ADAM22: variants seen among roughly 807,000 people sequenced by gnomAD.
ADAM22 encodes disintegrin and metalloproteinase domain-containing protein 22.
Under a neutral mutation model 144.6 loss-of-function variants are expected in ADAM22, and 65 were observed. The ratio of observed to expected loss-of-function variants is 0.45; its 90% CI spans 0.37 to 0.55. The LOEUF (loss-of-function observed/expected upper bound fraction) is 0.55. Ranked by LOEUF, ADAM22 falls within the 20% of genes least tolerant of loss-of-function variation. The pLI is 0.00. For missense variants in ADAM22, 974 were observed against 1,184.9 expected (o/e 0.82, Z 2.61); for synonymous variants, 391 against 412.6 (o/e 0.95, Z 0.63).
At chr7:87,959,878 A>G (rs1473921100) in intron 2 of ADAM22, among the ~76,000 whole-genome samples, 1 of 152,224 alleles carries the variant, frequency 6.6e-6, no homozygotes, top group Non-Finnish European at 1.5e-5. Flanking sequence ...ACTCTTTTAG[A>G]ATATACAATT....
intron 4 of ADAM22, among the ~76,000 whole-genome samples, chr7:88,097,600 C>A (rs1378347196): frequency 6.8e-6 from 1 of 146,716 alleles, no homozygotes; most frequent in Admixed American, 7.0e-5. Flanking sequence ...ACCTTAGACC[C>A]TCATATAGTT....
At chr7:88,123,778 G>A (rs1829830194) in intron 7 of ADAM22, among the ~76,000 whole-genome samples, 1 of 151,246 alleles carries the variant, frequency 6.6e-6, no homozygotes. Flanking sequence ...TGCCTTACCT[G>A]CATCCCTTGT....
At position 88,200,337 on chromosome 7, in the gene ADAM22, AAG is replaced by A. The variant is rs561586504; in HGVS notation, c.*3850_*3851del. Reference sequence around the variant, plus strand: ...ATTTTACTTTATTTTACTTAAAGGAAAGAGAATTTATTGGCAGGATATTGAGT... The same window carrying A: ...ATTTTACTTTATTTTACTTAAAGGAAAGAATTTATTGGCAGGATATTGAGT... On this transcript the variant is annotated 3_prime_UTR_variant, in exon 32 of 32. Coordinates refer to ENST00000413139, the MANE Select transcript of ADAM22 (RefSeq NM_001324418.2). 62 of 152,350 alleles carry A rather than the reference AAG, an allele frequency of 4.1e-4. No homozygotes were observed. The highest frequency in any genetic ancestry group is 3.4e-3 in the Middle Eastern group (1 of 294). The allele number at this position is 152,350 out of a possible 1,614,324, so 9.4% of individuals were successfully genotyped here.
At chr7:88,015,871 T>C (rs549770573) in intron 3 of ADAM22, among the ~76,000 whole-genome samples, 2 of 152,346 alleles carry the variant, frequency 1.3e-5, no homozygotes, top group South Asian at 2.1e-4. Flanking sequence ...TAAAGTTATG[T>C]ATTTACATTT....
chr7:88,170,320 T>C (rs1272064572), intron 25 of ADAM22, among the ~76,000 whole-genome samples: 1 of 152,000 alleles, frequency 6.6e-6, no homozygotes, highest in Non-Finnish European at 1.5e-5. Context: ...ATTAAATTCA[T>C]GAATATGATG....
At chr7:88,028,349 G>A (rs1313733462) in intron 3 of ADAM22, among the ~76,000 whole-genome samples, 1 of 151,960 alleles carries the variant, frequency 6.6e-6, no homozygotes, top group Non-Finnish European at 1.5e-5. Context: ...GAAGAGATTT[G>A]GTATAATTTC....
rs569834198 is a variant in ADAM22 at position 87,950,980 on chromosome 7, G to T, written c.246+15794G>T. Among the ~76,000 whole-genome samples the T allele has an allele frequency of 4.3e-4, 66 of 152,196 alleles. 1 individual carries two copies. The South Asian group carries it at 0.013, about 31-fold the overall frequency. On this transcript the variant is annotated intron_variant, in intron 2 of 31. Transcript: ENST00000413139. ...TCATATCCTTTGCAAACTTTTTGAT[G>T]GGGTTGTTTGTTTTTTTCTTGTAAA...
chr7:87,974,464 A>C (rs1340122867), intron 2 of ADAM22, among the ~76,000 whole-genome samples: 2 of 152,160 alleles, frequency 1.3e-5, no homozygotes, highest in Admixed American at 6.5e-5. Context: ...AGTGACCACC[A>C]CTGCAAGTTT....
At position 87,952,601 on chromosome 7, in the gene ADAM22, C is replaced by T. The variant is rs539279611; in HGVS notation, c.246+17415C>T. ...TCATCAAGGATATTGGTCTAAAATT[C>T]TCTTTTTTGGTTGTGTCTCTGCCTG... On this transcript the variant is annotated intron_variant, in intron 2 of 31. Coordinates refer to ENST00000413139, the MANE Select transcript of ADAM22 (RefSeq NM_001324418.2). Among the ~76,000 whole-genome samples the T allele has an allele frequency of 9.9e-5, 15 of 151,998 alleles. No individual in the cohort carries two copies. In the East Asian group the frequency reaches 2.7e-3, roughly 27 times the overall value.
At position 88,125,597 on chromosome 7, in the gene ADAM22, C is replaced by A. The variant is rs1284765719; in HGVS notation, c.616C>A (p.Gln206Lys). The change falls in exon 8 of 32, where the codon CAA becomes AAA. Residue 206 changes from glutamine to lysine, a missense_variant. By Grantham distance (53) the Gln-to-Lys change is moderately conservative. Around this residue, in one of 2 missense-constraint regions of ADAM22, gnomAD observed 734 missense variants for 950.6 expected, o/e 0.77. Coordinates refer to ENST00000413139, the MANE Select transcript of ADAM22 (RefSeq NM_001324418.2). ...ATTTAATTTCCTTTTAGAATTTCAGCAAGTAAACATTACTCCATCAAAATT... is the reference window on the plus strand; with the variant it reads ...ATTTAATTTCCTTTTAGAATTTCAGAAAGTAAACATTACTCCATCAAAATT... ...SLDDLPSEFQ[Q>K]VNITPSKFIL... 2.5e-6 allele frequency: 4 copies of A among 1,589,902 alleles called. No homozygotes were observed. In the Admixed American group the frequency reaches 5.4e-5, roughly 21 times the overall value.
intron 3 of ADAM22, among the ~76,000 whole-genome samples, chr7:87,994,450 C>T (rs376696956): frequency 6.6e-6 from 1 of 152,200 alleles, no homozygotes; most frequent in African/African-American, 2.4e-5. Context: ...CGTGAGCCAC[C>T]GCGCCCGGCC....
chr7:88,054,631 T>TGTGTGTGTGTGTGA (rs1807680260), intron 3 of ADAM22, among the ~76,000 whole-genome samples: 1 of 146,406 alleles, frequency 6.8e-6, no homozygotes, highest in African/African-American at 2.5e-5. Flanking sequence ...TGTGTGTGTG[T>TGTGTGTGTGTGTGA]GATTCCTCTG....
intron 3 of ADAM22, among the ~76,000 whole-genome samples, chr7:88,048,941 A>G (rs935038090): frequency 6.6e-6 from 1 of 152,190 alleles, no homozygotes; most frequent in Non-Finnish European, 1.5e-5. Flanking sequence ...GGCCAAATTT[A>G]TAGGGATGTT....
At chr7:88,053,572 GAGGA>G (rs72059424) in intron 3 of ADAM22, among the ~76,000 whole-genome samples, 7,666 of 125,998 alleles carry the variant, frequency 0.061, 503 homozygotes, top group East Asian at 0.13. Context: ...AAGAAGGAAG[GAGGA>G]AAGGAAGGAA....
chr7:88,103,820 A>T (rs1471252641), intron 4 of ADAM22, among the ~76,000 whole-genome samples: 4 of 152,150 alleles, frequency 2.6e-5, no homozygotes, highest in Non-Finnish European at 5.9e-5. Context: ...GAACCTTTAT[A>T]ATTGATAAGA....
intron 3 of ADAM22, among the ~76,000 whole-genome samples, chr7:88,002,497 T>C (rs538206863): frequency 4.8e-4 from 73 of 152,334 alleles, no homozygotes; most frequent in Non-Finnish European, 8.1e-4. Flanking sequence ...CATCAGGGAA[T>C]ACGATGCCAC....
intron 22 of ADAM22, among the ~76,000 whole-genome samples, chr7:88,160,270 GA>G (rs2129528929): frequency 6.6e-6 from 1 of 152,202 alleles, no homozygotes; most frequent in South Asian, 2.1e-4. Context: ...CAAACAAAAG[GA>G]AAAACATTCC....
intron 3 of ADAM22, among the ~76,000 whole-genome samples, chr7:88,019,116 C>T (rs996911072): frequency 7.3e-5 from 11 of 151,268 alleles, no homozygotes; most frequent in East Asian, 1.9e-4. Context: ...TTTGATTTGG[C>T]GAAATAAACT....
intron 3 of ADAM22, among the ~76,000 whole-genome samples, chr7:88,007,236 A>G (rs967627718): frequency 6.6e-5 from 10 of 152,188 alleles, no homozygotes; most frequent in African/African-American, 2.4e-4. Context: ...CCACTGCTCA[A>G]TGAAATAAAA....
Sources: gnomAD v4.1 joint callset for allele counts (sites outside exome capture counted in the v4.1 genomes callset) on GRCh38, gnomAD v4.1.1 for gene constraint, gnomAD v4.1.1 regional missense constraint, MANE v1.5 for transcripts, NCBI Gene and HGNC (gene_info 2026-07-23, HGNC 2026-07-21) for gene names.